Variants in YAE1 observed in about 807,000 individuals in gnomAD.
The protein encoded by YAE1 is protein YAE1 homolog.
A neutral mutation model predicts 23.0 loss-of-function variants in YAE1; 22 were observed. That is an observed-to-expected ratio of 0.96 (90% CI 0.68 to 1.37). The LOEUF is 1.37. Among genes scored for constraint, YAE1 ranks in the 40% most tolerant of loss-of-function variants. The probability of loss-of-function intolerance (pLI) is 0.00; values close to 1 mark genes in which losing one functional copy is unlikely to be tolerated. For synonymous variants in YAE1, 101 were observed against 97.0 expected (o/e 1.04, Z -0.24); for missense variants, 260 against 262.1 (o/e 0.99, Z 0.06).
intron 2 of YAE1, among the ~76,000 whole-genome samples, chr7:39,580,343 G>C (rs960718909): frequency 3.3e-5 from 5 of 152,156 alleles, no homozygotes; most frequent in African/African-American, 1.2e-4. Context: ...TCACATATGT[G>C]CATACTGCTG....
At chr7:39,611,359 A>G (rs1791213653), downstream of YAE1, among the ~76,000 whole-genome samples, 1 of 152,172 alleles carries the variant, frequency 6.6e-6, no homozygotes, top group South Asian at 2.1e-4. Flanking sequence ...CCTCATTCAC[A>G]CAATCCAAGA....
downstream of YAE1, among the ~76,000 whole-genome samples, chr7:39,577,364 C>G (rs780073712): frequency 6.6e-6 from 1 of 152,254 alleles, no homozygotes; most frequent in Non-Finnish European, 1.5e-5. Flanking sequence ...GCCCTTCAGC[C>G]CGCTGCTGCG....
downstream of YAE1, among the ~76,000 whole-genome samples, chr7:39,574,469 A>G (rs1790623338): frequency 6.6e-6 from 1 of 152,122 alleles, no homozygotes; most frequent in Admixed American, 6.5e-5. Flanking sequence ...GCAGTGGCTC[A>G]TGCCTGTAAT....
At chr7:39,570,282 T>C in intron 1 of YAE1, 1 of 659,166 alleles carries the variant, frequency 1.5e-6, no homozygotes, top group African/African-American at 1.8e-5. Context: ...GTTTTAAAAA[T>C]TGCCCGGTAA....
chr7:39,570,721 T>C, intron 2 of YAE1, 94 bp downstream of exon 2: 1 of 1,449,278 alleles, frequency 6.9e-7, no homozygotes, highest in Non-Finnish European at 9.1e-7. Context: ...GAAATGCTTT[T>C]CCTGGTGCTA....
At chr7:39,570,042 C>A in intron 1 of YAE1, 1 of 1,356,282 alleles carries the variant, frequency 7.4e-7, no homozygotes. Flanking sequence ...CACCACGGGG[C>A]ATAAAATTGT....
At chr7:39,577,987 TGGTGGG>T (rs1266326261) in intron 2 of YAE1, among the ~76,000 whole-genome samples, 1 of 151,848 alleles carries the variant, frequency 6.6e-6, no homozygotes, top group Non-Finnish European at 1.5e-5. Flanking sequence ...CTAGCTAATC[TGGTGGG>T]GACTTGGAGA....
chr7:39,583,374 A>C (rs1445238643), intron 2 of YAE1, among the ~76,000 whole-genome samples: 1 of 147,948 alleles, frequency 6.8e-6, no homozygotes, highest in African/African-American at 2.6e-5. Context: ...AGTTTACAAA[A>C]CAGGGGTAAC....
intron 1 of YAE1, chr7:39,570,105 G>T (rs953435919): frequency 5.9e-6 from 6 of 1,022,986 alleles, no homozygotes; most frequent in Non-Finnish European, 1.5e-6. Context: ...GTGATGATGC[G>T]TACGTTGCTC....
At chr7:39,575,279 C>A (rs896652892), downstream of YAE1, among the ~76,000 whole-genome samples, 1 of 151,956 alleles carries the variant, frequency 6.6e-6, no homozygotes, top group African/African-American at 2.4e-5. Context: ...ATAAGGAAGC[C>A]CACAGAACCA....
intron 2 of YAE1, among the ~76,000 whole-genome samples, chr7:39,584,574 C>G (rs771888977): frequency 6.6e-6 from 1 of 152,100 alleles, no homozygotes; most frequent in Non-Finnish European, 1.5e-5. Context: ...GTGCTGACCC[C>G]GATTGACTCC....
intron 2 of YAE1, among the ~76,000 whole-genome samples, chr7:39,590,587 A>G (rs1441863774): frequency 2.0e-5 from 3 of 152,234 alleles, no homozygotes; most frequent in Non-Finnish European, 4.4e-5. Context: ...TTCATTATGT[A>G]GGACCCAAGT....
chr7:39,586,065 A>G (rs1471670066), intron 2 of YAE1, among the ~76,000 whole-genome samples: 1 of 152,030 alleles, frequency 6.6e-6, no homozygotes, highest in African/African-American at 2.4e-5. Context: ...GCACCACCGC[A>G]CTCCAGCCTG....
chr7:39,586,884 G>T (rs1473361968), intron 2 of YAE1, among the ~76,000 whole-genome samples: 1 of 152,200 alleles, frequency 6.6e-6, no homozygotes, highest in African/African-American at 2.4e-5. Flanking sequence ...TTATCTTACA[G>T]ATGAGATGAT....
At chr7:39,612,004 C>T (rs1035102880), downstream of YAE1, among the ~76,000 whole-genome samples, 3 of 152,152 alleles carry the variant, frequency 2.0e-5, no homozygotes, top group Non-Finnish European at 4.4e-5. Context: ...CTTAAATCTA[C>T]CCAATAATTG....
At chr7:39,570,937 A>G (rs2288744) in intron 2 of YAE1, 29,490 of 239,706 alleles carry the variant, frequency 0.12, 2,197 homozygotes, top group African/African-American at 0.25. Context: ...TAGTACTTCC[A>G]CACAGTATGA....
At chr7:39,586,592 G>A (rs1467069314) in intron 2 of YAE1, among the ~76,000 whole-genome samples, 1 of 150,544 alleles carries the variant, frequency 6.6e-6, no homozygotes, top group East Asian at 2.0e-4. Context: ...CCGCCTCCCA[G>A]GTTGATGCCA....
At chr7:39,580,637 A>G (rs1461370011) in intron 2 of YAE1, among the ~76,000 whole-genome samples, 2 of 152,182 alleles carry the variant, frequency 1.3e-5, no homozygotes, top group Non-Finnish European at 2.9e-5. Context: ...CACGTGTTTC[A>G]TTCCTTGGTA....
chr7:39,605,734 T>C (rs978721011), intron 2 of YAE1, among the ~76,000 whole-genome samples: 6 of 152,168 alleles, frequency 3.9e-5, no homozygotes, highest in Admixed American at 6.5e-5. Context: ...TTTTTCTCTC[T>C]CTCTCTGTTG....
Sources: allele counts gnomAD v4.1 joint callset (sites outside exome capture counted in the v4.1 genomes callset), GRCh38; gene constraint gnomAD v4.1.1; transcripts MANE v1.5; gene names NCBI Gene and HGNC (gene_info 2026-07-23, HGNC 2026-07-21).